The following KIF13A variants were observed in gnomAD, a reference collection of about 807,000 sequenced individuals.
KIF13A encodes kinesin-like protein KIF13A.
In KIF13A, 79 loss-of-function variants were observed where a neutral mutation model predicts 212.2. That is an observed-to-expected ratio of 0.37 (90% CI 0.31 to 0.45). The LOEUF (loss-of-function observed/expected upper bound fraction) is 0.45, where lower values mean the gene tolerates loss of function less well. KIF13A is among the 20% of genes least tolerant of loss of function. KIF13A has a pLI of 1.00. For synonymous variants in KIF13A, 789 were observed against 808.6 expected (o/e 0.98, Z 0.41); for missense variants, 1,901 against 2,209.0 (o/e 0.86, Z 2.79).
At chr6:17,901,412 T>C (rs1773049761) in intron 2 of KIF13A, among the ~76,000 whole-genome samples, 1 of 152,164 alleles carries the variant, frequency 6.6e-6, no homozygotes, top group African/African-American at 2.4e-5. Context: ...TATAAACTAC[T>C]AAAATAAACT....
chr6:17,811,801 TCTTCCTTC>T lies in KIF13A; in HGVS notation c.2001-2879_2001-2872del, dbSNP rs932961651. The stretch of plus-strand genomic sequence containing the variant: ...TCCCAAAATATCTCATCTTTTTTTT[TCTTCCTTC>T]CTTCCTTCCTTCTCTCCCTCCCTTT... On this transcript the variant is annotated intron_variant, in intron 17 of 38. Coordinates refer to ENST00000259711, the MANE Select transcript of KIF13A (RefSeq NM_022113.6). The surrounding 1 kb of genome is among the most constrained non-coding windows in gnomAD (Gnocchi z 6.0). Among the ~76,000 whole-genome samples the T allele has an allele frequency of 6.6e-6, 1 of 152,076 alleles. No individual in the cohort carries two copies. The highest frequency in any genetic ancestry group is 1.5e-5 in the Non-Finnish European group (1 of 68,002).
intron 31 of KIF13A, among the ~76,000 whole-genome samples, chr6:17,779,981 C>T (rs375272313): frequency 2.0e-5 from 3 of 149,986 alleles, no homozygotes; most frequent in African/African-American, 7.4e-5. Flanking sequence ...CTCCTGACCT[C>T]GTGATCCGCC....
rs993158072 is a variant in KIF13A, at chr6:17,892,989, A to G, written c.159+5179T>C. Among the ~76,000 whole-genome samples, 1 of 152,222 alleles carries G rather than the reference A, an allele frequency of 6.6e-6. No homozygotes were observed. The highest frequency in any genetic ancestry group is 2.4e-5 in the African/African-American group (1 of 41,470). ...CCGGTAGGTCAGAAGTATAGGTGGC[A>G]ACCTGGGACTTGCGAATGGCATCTA... On this transcript the variant is annotated intron_variant, in intron 3 of 38. Coordinates refer to ENST00000259711, the MANE Select transcript of KIF13A (RefSeq NM_022113.6). The surrounding 1 kb of genome is among the most constrained non-coding windows in gnomAD (Gnocchi z 4.7).
At chr6:17,956,489 G>A (rs1043268711) in intron 2 of KIF13A, among the ~76,000 whole-genome samples, 28 of 152,184 alleles carry the variant, frequency 1.8e-4, no homozygotes, top group Non-Finnish European at 1.0e-4. Flanking sequence ...AACCCAATAT[G>A]CAAGAGATTT....
At chr6:17,763,490 A>AAAG (rs1554157971), downstream of KIF13A, among the ~76,000 whole-genome samples, 2 of 144,952 alleles carry the variant, frequency 1.4e-5, no homozygotes, top group East Asian at 4.0e-4. Flanking sequence ...AAAAAAAAAA[A>AAAG]AAAAAGAAAA....
At chr6:17,874,903 AAT>A (rs1402481850) in intron 3 of KIF13A, among the ~76,000 whole-genome samples, 5 of 151,706 alleles carry the variant, frequency 3.3e-5, no homozygotes, top group Admixed American at 1.3e-4. Flanking sequence ...CATTTAGAAC[AAT>A]AGTCTCCAAT....
chr6:17,945,355 G>A (rs997347499), intron 2 of KIF13A, among the ~76,000 whole-genome samples: 2 of 152,070 alleles, frequency 1.3e-5, no homozygotes, highest in Non-Finnish European at 2.9e-5. Context: ...CAGCCCTTGG[G>A]GATGTTAGTA....
intron 2 of KIF13A, among the ~76,000 whole-genome samples, chr6:17,945,861 G>A (rs1460280489): frequency 6.6e-6 from 1 of 152,060 alleles, no homozygotes; most frequent in African/African-American, 2.4e-5. Context: ...AGAAGAGACG[G>A]CCCTGAAAAT....
In KIF13A at chr6:17,786,938, C is replaced by A. The variant is rs1189168902; in HGVS notation, c.3361+838G>T. Among the ~76,000 whole-genome samples, 1 of 152,174 alleles carries A rather than the reference C, an allele frequency of 6.6e-6. No individual in the cohort carries two copies. The highest frequency in any genetic ancestry group is 1.5e-5 in the Non-Finnish European group (1 of 68,032). On this transcript the variant is annotated intron_variant, in intron 27 of 38. Transcript: ENST00000259711. The surrounding 1 kb of genome is among the most constrained non-coding windows in gnomAD (Gnocchi z 5.4). ...TGGACCATGATGTCTGGATGACAGA[C>A]TAAGGATTTTAAGTGCATATTTCTA...
chr6:17,776,052 A>G lies in KIF13A; in HGVS notation c.4171-990T>C, dbSNP rs1375641381. 6.6e-6 allele frequency among the ~76,000 whole-genome samples: 1 copy of G among 151,898 alleles called. No individual in the cohort carries two copies. The highest frequency in any genetic ancestry group is 1.9e-4 in the East Asian group (1 of 5,180). The stretch of plus-strand genomic sequence containing the variant: ...TGCCACGATGCCCAGCTAATTTTGT[A>G]TTTTTAGTAGAGACCGGGTTTCTCC... On this transcript the variant is annotated intron_variant, in intron 34 of 38. Coordinates refer to ENST00000259711, the MANE Select transcript of KIF13A (RefSeq NM_022113.6). This position sits in a 1 kb window ranked among gnomAD's most constrained non-coding sequence, Gnocchi z 4.6.
intron 17 of KIF13A, chr6:17,812,489 T>C (rs1262169199): frequency 6.6e-6 from 1 of 152,240 alleles, no homozygotes; most frequent in Non-Finnish European, 1.5e-5. Flanking sequence ...GTTCCATCCA[T>C]GTTCCTGCAA....
Position 17,984,269 on chromosome 6 carries a change from G to C in KIF13A, c.146+2785C>G, listed in dbSNP as rs867779989. On this transcript the variant is annotated intron_variant, in intron 2 of 38. Transcript: ENST00000259711. The surrounding 1 kb of genome is among the most constrained non-coding windows in gnomAD (Gnocchi z 5.0). ...CTCCAAGGTGAGTGACTCTGGTGTA[G>C]GTACTGGATCCACAAGTATCTTTGA... Among the ~76,000 whole-genome samples the C allele has an allele frequency of 1.3e-5, 2 of 152,184 alleles. No homozygotes were observed. Among genetic ancestry groups the C allele is most frequent in the African/African-American group, 4.8e-5 (2 of 41,424 alleles).
rs6922757 is a variant in KIF13A at position 17,915,644 on chromosome 6, C to T, written c.147-17464G>A. On this transcript the variant is annotated intron_variant, in intron 2 of 38. Transcript: ENST00000259711. The surrounding 1 kb of genome is among the most constrained non-coding windows in gnomAD (Gnocchi z 4.4). ...GAACCATGTAGTTTCAATGTCACAT[C>T]GAGTTGAATCACCAGGACAGGAAAA... Among the ~76,000 whole-genome samples the T allele has an allele frequency of 0.52, 79,403 of 151,846 alleles. 21,979 individuals are homozygous for T. Among genetic ancestry groups the T allele is most frequent in the Non-Finnish European group, 0.62 (42,448 of 67,950 alleles).
At position 17,796,802 on chromosome 6, in the gene KIF13A, T is replaced by G; in HGVS notation, c.2809A>C (p.Thr937Pro). The G allele has an allele frequency of 6.4e-7, 1 of 1,568,042 alleles. No homozygotes were observed. ...SHCKDYVVNV[T>P]EEFLEFISDG... ...GAAATGAACTCCAGAAATTCTTCTG[T>G]TACATTCACCACATAGTCCTGGGAT... Residue 937 changes from threonine (T) to proline (P), a missense_variant, in exon 23 of 39, where the codon ACA becomes CCA. Transcript: ENST00000259711.
At chr6:17,819,277 C>T (rs1581410687) in intron 16 of KIF13A, among the ~76,000 whole-genome samples, 1 of 152,156 alleles carries the variant, frequency 6.6e-6, no homozygotes, top group East Asian at 1.9e-4. Flanking sequence ...GGAAAATAAA[C>T]TGGGGGCCAG....
chr6:17,836,029 G>A (rs1360747012), intron 11 of KIF13A, among the ~76,000 whole-genome samples: 1 of 152,174 alleles, frequency 6.6e-6, no homozygotes, highest in Non-Finnish European at 1.5e-5. Context: ...GGCCTCCAAA[G>A]CTGTCCTCTT....
rs1481782597 is a variant in KIF13A, at chr6:17,899,632, G to A, written c.147-1452C>T. Among the ~76,000 whole-genome samples, 2 of 152,128 alleles carry A rather than the reference G, an allele frequency of 1.3e-5. No individual in the cohort carries two copies. Among genetic ancestry groups the A allele is most frequent in the East Asian group, 1.9e-4 (1 of 5,188 alleles). On this transcript the variant is annotated intron_variant, in intron 2 of 38. Transcript: ENST00000259711. This position sits in a 1 kb window ranked among gnomAD's most constrained non-coding sequence, Gnocchi z 5.2. ...AAACACCATTTTCTTGAAATTCCAC[G>A]AATTAGTTGAAAGGGAATGAGCCCT...
chr6:17,813,076 T>C (rs1316437170), intron 17 of KIF13A, among the ~76,000 whole-genome samples: 6 of 152,190 alleles, frequency 3.9e-5, no homozygotes, highest in Non-Finnish European at 8.8e-5. Flanking sequence ...CAGCTAGCTG[T>C]TGCTTGGCGT....
In KIF13A at chr6:17,915,627, T is replaced by C. The variant is rs1053892797; in HGVS notation, c.147-17447A>G. Among the ~76,000 whole-genome samples the C allele has an allele frequency of 3.3e-5, 5 of 152,108 alleles. No homozygotes were observed. Among genetic ancestry groups the C allele is most frequent in the Admixed American group, 3.3e-4 (5 of 15,262 alleles). ...TGTAGGACATCACTGCAGAACCATG[T>C]AGTTTCAATGTCACATCGAGTTGAA... On this transcript the variant is annotated intron_variant, in intron 2 of 38. Transcript: ENST00000259711. The surrounding 1 kb of genome is among the most constrained non-coding windows in gnomAD (Gnocchi z 4.4).
Sources: allele counts gnomAD v4.1 joint callset (sites outside exome capture counted in the v4.1 genomes callset), GRCh38; gene constraint gnomAD v4.1.1; non-coding constraint Gnocchi (gnomAD v3.1); transcripts MANE v1.5; gene names NCBI Gene and HGNC (gene_info 2026-07-23, HGNC 2026-07-21).